The following TPH2 variants were observed in gnomAD, a reference collection of about 807,000 sequenced individuals.
TPH2 encodes the protein tryptophan hydroxylase 2, also known as tryptophan 5-hydroxylase 2.
TPH2 carries 27 observed loss-of-function variants against 59.1 expected under a neutral mutation model. The ratio of observed to expected loss-of-function variants is 0.46; its 90% confidence interval spans 0.34 to 0.63. TPH2 has a LOEUF of 0.63. Among genes scored for constraint, TPH2 ranks in the 30% least tolerant of loss-of-function variants. The pLI, the probability that TPH2 is intolerant of heterozygous loss-of-function variation, is 0.01. For synonymous variants in TPH2, 220 were observed against 210.5 expected, an observed-to-expected ratio of 1.05 and a Z score of -0.39; for missense variants, 523 against 588.3, an observed-to-expected ratio of 0.89 and a Z score of 1.15.
At chr12:71,968,141 C>T (rs1871868874) in intron 5 of TPH2, among the ~76,000 whole-genome samples, 1 of 152,190 alleles carries the variant, frequency 6.6e-6, no homozygotes, top group Non-Finnish European at 1.5e-5. Context: ...TGACAAATCC[C>T]TTTCGATAGA....
intron 4 of TPH2, among the ~76,000 whole-genome samples, chr12:71,946,813 T>G (rs867416845): frequency 5.3e-5 from 8 of 152,148 alleles, no homozygotes; most frequent in Non-Finnish European, 8.8e-5. Context: ...GTTAAATATC[T>G]AGGTCAGTGC....
At chr12:71,955,362 G>T (rs930341777) in intron 5 of TPH2, among the ~76,000 whole-genome samples, 1 of 152,092 alleles carries the variant, frequency 6.6e-6, no homozygotes, top group African/African-American at 2.4e-5. Flanking sequence ...AATGTACTTT[G>T]TTATCCTTAT....
chr12:72,010,621 T>G (rs1873076536), intron 8 of TPH2, among the ~76,000 whole-genome samples: 1 of 152,216 alleles, frequency 6.6e-6, no homozygotes, highest in Non-Finnish European at 1.5e-5. Flanking sequence ...CAGGATTCTC[T>G]GTCTTGCCTG....
At chr12:71,943,030 T>TA (rs1165757755) in intron 2 of TPH2, among the ~76,000 whole-genome samples, 3 of 152,232 alleles carry the variant, frequency 2.0e-5, no homozygotes, top group Admixed American at 1.3e-4. Flanking sequence ...TCAGTTCCCC[T>TA]AAAAACATCT....
rs1323440710 is a variant in TPH2, at chr12:71,941,626, A to T, written c.148A>T (p.Lys50Ter). Reference protein sequence around the residue: ...NSGKNDDKGNKGSSKREAATE... With the variant: ...NSGKNDDKGN ...TGGCAAAAATGACGACAAAGGCAAC[A>T]AGGGAAGCAGCAAACGTGAAGCTGC... Residue 50 changes from lysine to a stop codon, truncating the protein, a stop_gained, in exon 2 of 11, where the codon AAG (lysine) becomes TAG (stop). Coordinates refer to ENST00000333850, the MANE Select transcript of TPH2 (RefSeq NM_173353.4). LOFTEE classifies it high-confidence loss of function. 6.2e-7 allele frequency: 1 copy of T among 1,614,140 alleles called. No individual in the cohort carries two copies. Among genetic ancestry groups the T allele is most frequent in the Non-Finnish European group, 8.5e-7 (1 of 1,179,990 alleles).
chr12:72,010,367 T>C (rs1181323863), intron 8 of TPH2, among the ~76,000 whole-genome samples: 2 of 152,140 alleles, frequency 1.3e-5, no homozygotes, highest in African/African-American at 4.8e-5. Flanking sequence ...AGACCCTCAA[T>C]GTGACGGGGA....
intron 8 of TPH2, among the ~76,000 whole-genome samples, chr12:72,020,846 A>T (rs186199410): frequency 7.4e-4 from 113 of 152,118 alleles, no homozygotes; most frequent in African/African-American, 2.6e-3. Context: ...TTACTTCTGG[A>T]GGTTAAGCTC....
rs562334336 is a variant in TPH2, at chr12:71,995,023, A to G, written c.1068+458A>G. Among the ~76,000 whole-genome samples the G allele has an allele frequency of 3.8e-4, 58 of 152,160 alleles. 1 individual carries two copies. The highest frequency in any genetic ancestry group is 1.6e-3 in the Admixed American group (24 of 15,278). On this transcript the variant is annotated intron_variant, in intron 8 of 10. Transcript: ENST00000333850. ...ATTAGTAATAGTAAAAGGTATACAT[A>G]TATGATAAAGTAGGGGTTGCACCTG...
intron 5 of TPH2, among the ~76,000 whole-genome samples, chr12:71,971,132 A>G (rs953967467): frequency 6.6e-6 from 1 of 152,132 alleles, no homozygotes; most frequent in Non-Finnish European, 1.5e-5. Context: ...CAGGGGTGCT[A>G]CTGAATGATC....
intron 8 of TPH2, 107 bp downstream of exon 8, chr12:71,994,672 A>G (rs1391805448): frequency 2.8e-6 from 4 of 1,415,618 alleles, no homozygotes; most frequent in Non-Finnish European, 3.9e-6. Context: ...TCTGGAGAAA[A>G]CATGGTGAAT....
At chr12:71,995,163 G>A (rs1303868824) in intron 8 of TPH2, among the ~76,000 whole-genome samples, 1 of 152,052 alleles carries the variant, frequency 6.6e-6, no homozygotes, top group African/African-American at 2.4e-5. Context: ...AAGATTTAAT[G>A]GATGTTATAG....
chr12:72,024,315 C>A (rs11179062), intron 9 of TPH2, among the ~76,000 whole-genome samples: 2,917 of 152,272 alleles, frequency 0.019, 102 homozygotes, highest in African/African-American at 0.067. Flanking sequence ...TGGAGAGCCA[C>A]GTGTGGACCC....
At chr12:71,973,288 C>G (rs529879813) in intron 6 of TPH2, among the ~76,000 whole-genome samples, 2 of 152,214 alleles carry the variant, frequency 1.3e-5, no homozygotes, top group Admixed American at 1.3e-4. Context: ...AGATACAGGT[C>G]ATAAAGACCT....
At chr12:71,984,911 C>T (rs1023927791) in intron 7 of TPH2, among the ~76,000 whole-genome samples, 1 of 152,106 alleles carries the variant, frequency 6.6e-6, no homozygotes, top group Non-Finnish European at 1.5e-5. Context: ...GTTAGAGGCC[C>T]CAAGACCTGA....
At chr12:72,014,999 T>G (rs1229597409) in intron 8 of TPH2, among the ~76,000 whole-genome samples, 1 of 152,172 alleles carries the variant, frequency 6.6e-6, no homozygotes, top group African/African-American at 2.4e-5. Flanking sequence ...CTATGAAGCC[T>G]CATTCTTATT....
chr12:71,952,163 A>C (rs574749564), intron 5 of TPH2, among the ~76,000 whole-genome samples: 2 of 152,330 alleles, frequency 1.3e-5, no homozygotes, highest in South Asian at 4.1e-4. Flanking sequence ...GAAAATGAGC[A>C]TATAGTCAAA....
At chr12:71,981,014 A>G (rs6582077) in intron 7 of TPH2, among the ~76,000 whole-genome samples, 88,412 of 152,078 alleles carry the variant, frequency 0.58, 25,941 homozygotes, top group African/African-American at 0.61. Context: ...GGTTAGGGTT[A>G]TAATTAGTGT....
intron 8 of TPH2, among the ~76,000 whole-genome samples, chr12:72,005,490 A>C (rs1872930962): frequency 6.6e-6 from 1 of 152,218 alleles, no homozygotes; most frequent in African/African-American, 2.4e-5. Context: ...ACATTTTGGC[A>C]TATAGTCTTC....
chr12:71,986,880 A>C (rs2139215728), intron 7 of TPH2, among the ~76,000 whole-genome samples: 1 of 152,294 alleles, frequency 6.6e-6, no homozygotes, highest in South Asian at 2.1e-4. Flanking sequence ...TGCATTTTTA[A>C]ATTGCAAGTT....
Sources: allele counts gnomAD v4.1 joint callset (sites outside exome capture counted in the v4.1 genomes callset), GRCh38; gene constraint gnomAD v4.1.1; transcripts MANE v1.5; gene names NCBI Gene and HGNC (gene_info 2026-07-23, HGNC 2026-07-21).